Variants in KCNIP3 observed in about 807,000 individuals in gnomAD.
KCNIP3 encodes the protein potassium voltage-gated channel interacting protein 3, also known as calsenilin.
Under a neutral mutation model 35.0 loss-of-function variants are expected in KCNIP3, and 28 were observed. That is an observed-to-expected ratio of 0.80 (90% CI 0.59 to 1.10). The LOEUF is 1.10. KCNIP3 is among the 50% of genes least tolerant of loss of function. The pLI is 0.00. For synonymous variants in KCNIP3, 134 were observed against 133.8 expected (o/e 1.00, Z -0.01); for missense variants, 295 against 338.4 (o/e 0.87, Z 1.01).
chr2:95,321,529 G>A (rs1314791495), intron 2 of KCNIP3, among the ~76,000 whole-genome samples: 4 of 152,192 alleles, frequency 2.6e-5, no homozygotes, highest in Non-Finnish European at 5.9e-5. Context: ...CATCTGGCTT[G>A]AATTGACACA....
intron 2 of KCNIP3, among the ~76,000 whole-genome samples, chr2:95,343,020 G>T (rs970738503): frequency 6.6e-6 from 1 of 152,144 alleles, no homozygotes; most frequent in Non-Finnish European, 1.5e-5. Flanking sequence ...TTGCTGAACC[G>T]AGAAGAGGTA....
At chr2:95,307,698 C>G (rs1444950456) in intron 1 of KCNIP3, among the ~76,000 whole-genome samples, 1 of 152,186 alleles carries the variant, frequency 6.6e-6, no homozygotes, top group Non-Finnish European at 1.5e-5. Context: ...TGTGACTAAC[C>G]CTGGGCCCCG....
At chr2:95,325,704 TACAC>T (rs534021235) in intron 2 of KCNIP3, among the ~76,000 whole-genome samples, 117 of 143,668 alleles carry the variant, frequency 8.1e-4, no homozygotes, top group African/African-American at 1.2e-3. Context: ...CACTCATACA[TACAC>T]ACAGTCATAC....
chr2:95,376,240 C>A lies in KCNIP3; in HGVS notation c.447+1032C>A, dbSNP rs1680182295. Among the ~76,000 whole-genome samples the A allele has an allele frequency of 6.6e-6, 1 of 152,202 alleles. No individual in the cohort carries two copies. Among genetic ancestry groups the A allele is most frequent in the South Asian group, 2.1e-4 (1 of 4,832 alleles). Reference sequence around the variant, plus strand: ...TCAGGGAGGACTCAAGGTCCTTTCCCTGCCCCTCTCTCCTGGGGTGCCCTT... The same window carrying A: ...TCAGGGAGGACTCAAGGTCCTTTCCATGCCCCTCTCTCCTGGGGTGCCCTT... On this transcript the variant is annotated intron_variant, in intron 5 of 8. Coordinates refer to ENST00000295225, the MANE Select transcript of KCNIP3 (RefSeq NM_013434.5). The surrounding 1 kb of genome is among the most constrained non-coding windows in gnomAD (Gnocchi z 4.2).
intron 2 of KCNIP3, among the ~76,000 whole-genome samples, chr2:95,319,663 G>A (rs188961826): frequency 2.0e-5 from 3 of 152,274 alleles, no homozygotes; most frequent in Admixed American, 6.5e-5. Context: ...TGCCTCCTCC[G>A]CTGGGTGGCC....
intron 2 of KCNIP3, among the ~76,000 whole-genome samples, chr2:95,315,798 G>A (rs999825312): frequency 3.9e-5 from 6 of 152,140 alleles, no homozygotes; most frequent in Admixed American, 1.3e-4. Context: ...TGGGGAAAGC[G>A]GCAATGCAGC....
intron 2 of KCNIP3, among the ~76,000 whole-genome samples, chr2:95,333,520 T>C (rs1469790068): frequency 6.6e-6 from 1 of 152,132 alleles, no homozygotes; most frequent in Non-Finnish European, 1.5e-5. Flanking sequence ...AAGAAGGGAA[T>C]GCTTGGGTGT....
At chr2:95,360,613 T>C (rs1325075891) in intron 2 of KCNIP3, among the ~76,000 whole-genome samples, 4 of 152,218 alleles carry the variant, frequency 2.6e-5, no homozygotes, top group African/African-American at 9.6e-5. Flanking sequence ...ACAAACAGGG[T>C]AATTTATAAT....
intron 2 of KCNIP3, chr2:95,368,787 C>T (rs1208939948): frequency 2.9e-5 from 7 of 239,628 alleles, no homozygotes; most frequent in African/African-American, 4.6e-5. Context: ...TTTCCACCTG[C>T]CCAGTGGCAA....
chr2:95,301,580 C>A (rs146352539), intron 1 of KCNIP3, among the ~76,000 whole-genome samples: 69 of 152,334 alleles, frequency 4.5e-4, no homozygotes, highest in African/African-American at 1.5e-3. Context: ...GATCCTATAC[C>A]AACCAGCTTG....
intron 2 of KCNIP3, among the ~76,000 whole-genome samples, chr2:95,346,512 G>T (rs1196545520): frequency 6.7e-6 from 1 of 149,086 alleles, no homozygotes; most frequent in Non-Finnish European, 1.5e-5. Context: ...GACGCCTCCC[G>T]GAGTGGCCGC....
At chr2:95,354,876 G>T (rs1679617063) in intron 2 of KCNIP3, among the ~76,000 whole-genome samples, 4 of 152,218 alleles carry the variant, frequency 2.6e-5, no homozygotes, top group Non-Finnish European at 2.9e-5. Context: ...CCCTGGCTGG[G>T]TCTGGTGCCC....
chr2:95,362,923 A>T (rs1282186795), intron 2 of KCNIP3, among the ~76,000 whole-genome samples: 3 of 152,190 alleles, frequency 2.0e-5, no homozygotes, highest in Non-Finnish European at 4.4e-5. Flanking sequence ...GAGGTACTGC[A>T]TTCTCATGCT....
chr2:95,300,125 G>A (rs1172061396), intron 1 of KCNIP3, among the ~76,000 whole-genome samples: 2 of 152,236 alleles, frequency 1.3e-5, no homozygotes, highest in African/African-American at 4.8e-5. Context: ...CCTTTAACCA[G>A]ATGGCAGAGG....
chr2:95,364,298 A>G (rs2104289053), intron 2 of KCNIP3, among the ~76,000 whole-genome samples: 1 of 152,226 alleles, frequency 6.6e-6, no homozygotes, highest in East Asian at 1.9e-4. Flanking sequence ...TTTTCATGTG[A>G]TTTTTCCTCT....
At chr2:95,346,838 C>T in intron 2 of KCNIP3, 2 of 228,940 alleles carry the variant, frequency 8.7e-6, no homozygotes, top group Non-Finnish European at 1.7e-5. Flanking sequence ...ACCCGCTCGC[C>T]GCCGCCGCCG....
At chr2:95,318,651 G>A (rs1360361402) in intron 2 of KCNIP3, among the ~76,000 whole-genome samples, 1 of 152,154 alleles carries the variant, frequency 6.6e-6, no homozygotes, top group African/African-American at 2.4e-5. Context: ...ACCAAGTCTC[G>A]GCCACGGGGC....
At chr2:95,353,508 A>G (rs1272364410) in intron 2 of KCNIP3, among the ~76,000 whole-genome samples, 2 of 152,194 alleles carry the variant, frequency 1.3e-5, no homozygotes, top group Non-Finnish European at 2.9e-5. Context: ...CCACCTGCTT[A>G]CCAGGTGACT....
In KCNIP3 at chr2:95,359,463, A is replaced by G. The variant is rs144427905; in HGVS notation, c.182-14833A>G. Reference sequence around the variant, plus strand: ...ATAATGTTCCTTGACTCCACATCACACACTGGGGCCCTGGGCACCCCCACC... The same window carrying G: ...ATAATGTTCCTTGACTCCACATCACGCACTGGGGCCCTGGGCACCCCCACC... On this transcript the variant is annotated intron_variant, in intron 2 of 8. Coordinates refer to ENST00000295225, the MANE Select transcript of KCNIP3 (RefSeq NM_013434.5). Among the ~76,000 whole-genome samples the G allele has an allele frequency of 2.7e-3, 417 of 152,306 alleles. 3 individuals are homozygous for G. The highest frequency in any genetic ancestry group is 9.8e-3 in the African/African-American group (407 of 41,554).
Sources: allele counts gnomAD v4.1 joint callset (sites outside exome capture counted in the v4.1 genomes callset), GRCh38; gene constraint gnomAD v4.1.1; non-coding constraint Gnocchi (gnomAD v3.1); transcripts MANE v1.5; gene names NCBI Gene and HGNC (gene_info 2026-07-23, HGNC 2026-07-21).